The following DMBT1 variants were observed in gnomAD, a reference collection of about 807,000 sequenced individuals.
DMBT1 encodes the protein scavenger receptor cysteine-rich domain-containing protein DMBT1.
Under a neutral mutation model 252.9 loss-of-function variants are expected in DMBT1, and 198 were observed. That is an observed-to-expected ratio of 0.78 (90% CI 0.70 to 0.88). The LOEUF is 0.88. Among genes scored for constraint, DMBT1 ranks in the 40% least tolerant of loss-of-function variants. The probability of loss-of-function intolerance (pLI) is 0.00; values close to 1 mark genes in which losing one functional copy is unlikely to be tolerated. For missense variants in DMBT1, 2,432 were observed against 2,404.7 expected (o/e 1.01, Z -0.24); for synonymous variants, 990 against 942.7 (o/e 1.05, Z -0.92).
chr10:122,626,307 A>C (rs1262639063), intron 46 of DMBT1, among the ~76,000 whole-genome samples: 2 of 152,208 alleles, frequency 1.3e-5, no homozygotes, highest in African/African-American at 2.4e-5. Context: ...GCTTTTAAAA[A>C]ATAATAGGGA....
intron 5 of DMBT1, among the ~76,000 whole-genome samples, 176 bp downstream of exon 5, chr10:122,572,537 C>A (rs2097674358): frequency 6.6e-6 from 1 of 152,220 alleles, no homozygotes; most frequent in South Asian, 2.1e-4. Flanking sequence ...CATATCACCA[C>A]ACACGAGCAC....
At chr10:122,626,064 T>A in intron 46 of DMBT1, 99 bp downstream of exon 46, 1 of 958,842 alleles carries the variant, frequency 1.0e-6, no homozygotes, top group South Asian at 1.3e-5. Context: ...CCAGCCTTCC[T>A]CAATCTGCAC....
rs2098206180 is a variant in DMBT1 at position 122,634,451 on chromosome 10, TCTCTCTC to T, written c.6548+1111_6548+1117del. On this transcript the variant is annotated intron_variant, in intron 52 of 55. Coordinates refer to ENST00000338354, the MANE Select transcript of DMBT1 (RefSeq NM_001377530.1). ...TCTCTTCTCTCTCTCTCTCTCTCTC[TCTCTCTC>T]TCTCTCTCTCTCTCTCTCTCTCTTT... Among the ~76,000 whole-genome samples, 247 of 92,078 alleles carry T rather than the reference TCTCTCTC, an allele frequency of 2.7e-3. 2 individuals are homozygous for T. The highest frequency in any genetic ancestry group is 0.016 in the African/African-American group (221 of 14,120). The allele number at this position is 92,078 out of a possible 152,430, so 60.4% of individuals were successfully genotyped here.
At chr10:122,619,380 T>C in intron 42 of DMBT1, 43 bp downstream of exon 42, 1 of 1,613,470 alleles carries the variant, frequency 6.2e-7, no homozygotes, top group Non-Finnish European at 8.5e-7. Flanking sequence ...CTTCTCTTTC[T>C]GCCCAGTTAC....
chr10:122,619,594 C>G (rs2098041527), intron 42 of DMBT1, among the ~76,000 whole-genome samples: 1 of 152,200 alleles, frequency 6.6e-6, no homozygotes. Flanking sequence ...CTTACAGGTT[C>G]AGGAAGTGGC....
At chr10:122,573,343 T>C (rs760786099) in intron 5 of DMBT1, among the ~76,000 whole-genome samples, 5 of 152,152 alleles carry the variant, frequency 3.3e-5, no homozygotes, top group Non-Finnish European at 5.9e-5. Context: ...TTCTCAGAAA[T>C]ATTTCAGTGA....
chr10:122,591,954 A>G (rs976720866), intron 19 of DMBT1, among the ~76,000 whole-genome samples: 2 of 148,992 alleles, frequency 1.3e-5, no homozygotes, highest in African/African-American at 4.9e-5. Flanking sequence ...CGACATGGGG[A>G]TAGCATAGGC....
intron 50 of DMBT1, 68 bp downstream of exon 50, chr10:122,631,943 G>C: frequency 3.3e-6 from 5 of 1,538,252 alleles, no homozygotes; most frequent in Non-Finnish European, 4.5e-6. Context: ...TGCCTAGACT[G>C]TGCAGGGCAT....
chr10:122,631,981 G>A (rs1381378745), intron 50 of DMBT1, 106 bp downstream of exon 50: 6 of 1,312,418 alleles, frequency 4.6e-6, no homozygotes. Context: ...GAGTTCATCT[G>A]TGGTACCATC....
chr10:122,639,907 C>A, intron 54 of DMBT1, 133 bp from the exon 55 acceptor site: 1 of 1,072,456 alleles, frequency 9.3e-7, no homozygotes, highest in South Asian at 1.6e-5. Context: ...GTGCCATGGC[C>A]ATCTCTGAGT....
chr10:122,629,607 C>G (rs1040928423), intron 46 of DMBT1, among the ~76,000 whole-genome samples: 1 of 152,180 alleles, frequency 6.6e-6, no homozygotes, highest in African/African-American at 2.4e-5. Context: ...TGGGTCACCT[C>G]CTCGCAGAGG....
chr10:122,573,828 A>G, intron 6 of DMBT1, 66 bp downstream of exon 6: 1 of 1,576,720 alleles, frequency 6.3e-7, no homozygotes, highest in Non-Finnish European at 8.7e-7. Context: ...TTAATCTCTG[A>G]TTCAGATGAG....
At chr10:122,577,413 G>T (rs564600031) in intron 7 of DMBT1, among the ~76,000 whole-genome samples, 4 of 152,342 alleles carry the variant, frequency 2.6e-5, no homozygotes, top group African/African-American at 9.6e-5. Context: ...TCAGCATAGG[G>T]AGCAGGGGGA....
chr10:122,638,238 C>T (rs1305175629), intron 54 of DMBT1, among the ~76,000 whole-genome samples: 3 of 152,096 alleles, frequency 2.0e-5, no homozygotes, highest in African/African-American at 7.2e-5. Context: ...GTTCCTATGC[C>T]AAGTGAGCAG....
At position 122,621,292 on chromosome 10, in the gene DMBT1, G is replaced by A. The variant is rs369502206; in HGVS notation, c.5520G>A (p.Gly1840=). 1.1e-4 allele frequency: 177 copies of A among 1,613,698 alleles called. No individual in the cohort carries two copies. Among genetic ancestry groups the A allele is most frequent in the Admixed American group, 2.8e-4 (17 of 60,000 alleles). ...TCCTGGATGATGTGCGCTGCTCAGG[G>A]AATGAGTCCTACCTGTGGAGCTGCC... ...PIVLDDVRCS[G]NESYLWSCPH... The change falls in exon 44 of 56, where the codon GGG becomes GGA. Residue 1840 remains glycine (G), a synonymous_variant. Coordinates refer to ENST00000338354, the MANE Select transcript of DMBT1 (RefSeq NM_001377530.1).
Position 122,600,069 on chromosome 10 carries a change from C to G in DMBT1, c.3286C>G (p.Gln1096Glu), listed in dbSNP as rs753658240. 3.7e-6 allele frequency: 6 copies of G among 1,607,364 alleles called. No individual in the cohort carries two copies. In the East Asian group the frequency reaches 1.1e-4, roughly 30 times the overall value. ...TTCTCTTCTCTTTCTCACAGCTTCC[C>G]AGTCCCGGCCAACACCTAGTCCAGG... ...EDAGVICSASQSRPTPSPDTW... is the reference protein window; with the variant it reads ...EDAGVICSASESRPTPSPDTW... The change falls in exon 27 of 56, where the codon CAG becomes GAG. Residue 1096 changes from glutamine to glutamate, a missense_variant. Transcript: ENST00000338354.
At chr10:122,563,491 G>A (rs2097565266) in intron 1 of DMBT1, among the ~76,000 whole-genome samples, 1 of 151,860 alleles carries the variant, frequency 6.6e-6, no homozygotes, top group Non-Finnish European at 1.5e-5. Flanking sequence ...GTGTTTGTTA[G>A]CATGAGAATC....
chr10:122,633,364 G>A (rs2098182231), intron 52 of DMBT1, 23 bp downstream of exon 52: 4 of 1,612,618 alleles, frequency 2.5e-6, no homozygotes, highest in Non-Finnish European at 3.4e-6. Context: ...CCAGAAGAAT[G>A]CCTTGGGGCC....
In DMBT1 at chr10:122,576,071, G is replaced by A. The variant is rs181346984; in HGVS notation, c.284-328G>A. 2.0e-5 allele frequency among the ~76,000 whole-genome samples: 3 copies of A among 152,346 alleles called. No individual in the cohort carries two copies. The East Asian group carries it at 5.8e-4, about 29-fold the overall frequency. ...ATCGTGCTGCTCTTCAGTGTGGGGT[G>A]TTGTGTGTCCCCTGTCTGAGGGAAT... On this transcript the variant is annotated intron_variant, in intron 6 of 55. Transcript: ENST00000338354.
Sources: gnomAD v4.1 joint callset for allele counts (sites outside exome capture counted in the v4.1 genomes callset) on GRCh38, gnomAD v4.1.1 for gene constraint, MANE v1.5 for transcripts, NCBI Gene and HGNC (gene_info 2026-07-23, HGNC 2026-07-21) for gene names.